BRD4: variants seen among roughly 807,000 people sequenced by gnomAD.
The protein encoded by BRD4 is bromodomain-containing protein 4.
A neutral mutation model predicts 142.1 loss-of-function variants in BRD4; 16 were observed. That is an observed-to-expected ratio of 0.11 (90% confidence interval 0.08 to 0.17). The LOEUF (loss-of-function observed/expected upper bound fraction) is 0.17. Among genes scored for constraint, BRD4 ranks in the 10% least tolerant of loss-of-function variants. The pLI is 1.00. For missense variants in BRD4, 1,424 were observed against 1,810.9 expected (o/e 0.79, Z 3.88); for synonymous variants, 833 against 707.5 (o/e 1.18, Z -2.82).
intron 1 of BRD4, among the ~76,000 whole-genome samples, chr19:15,292,495 T>C (rs1357950991): frequency 6.6e-6 from 1 of 152,102 alleles, no homozygotes; most frequent in Non-Finnish European, 1.5e-5. Context: ...TTGAAAAGCC[T>C]GGGCCGGGCG....
At chr19:15,274,395 G>C (rs1287642115) in intron 1 of BRD4, among the ~76,000 whole-genome samples, 1 of 152,218 alleles carries the variant, frequency 6.6e-6, no homozygotes, top group Non-Finnish European at 1.5e-5. Context: ...GAGGCCTAAA[G>C]GCACTGTGGA....
intron 1 of BRD4, among the ~76,000 whole-genome samples, chr19:15,329,196 C>G (rs528293763): frequency 6.6e-6 from 1 of 152,138 alleles, no homozygotes; most frequent in African/African-American, 2.4e-5. Context: ...AATGTACACT[C>G]TTTTCTAGAC....
At chr19:15,288,261 C>G (rs1421989572) in intron 1 of BRD4, among the ~76,000 whole-genome samples, 1 of 152,126 alleles carries the variant, frequency 6.6e-6, no homozygotes, top group Non-Finnish European at 1.5e-5. Flanking sequence ...TGCTGAAGTA[C>G]ACAGAGGTAA....
chr19:15,312,918 A>G (rs963233766), intron 1 of BRD4, among the ~76,000 whole-genome samples: 1 of 152,202 alleles, frequency 6.6e-6, no homozygotes, highest in African/African-American at 2.4e-5. Flanking sequence ...CCTGGGTGAC[A>G]GAGCGAGACT....
intron 14 of BRD4, among the ~76,000 whole-genome samples, chr19:15,240,604 G>C (rs949228149): frequency 2.0e-5 from 3 of 152,208 alleles, no homozygotes; most frequent in African/African-American, 7.2e-5. Context: ...GCCGAGTGGG[G>C]AGCAGGCGGA....
At chr19:15,289,256 T>C (rs2047763022) in intron 1 of BRD4, among the ~76,000 whole-genome samples, 1 of 152,086 alleles carries the variant, frequency 6.6e-6, no homozygotes, top group African/African-American at 2.4e-5. Flanking sequence ...CTTAGCTACT[T>C]AAAATCAGAA....
At chr19:15,322,144 T>G (rs888244775) in intron 1 of BRD4, among the ~76,000 whole-genome samples, 3 of 152,132 alleles carry the variant, frequency 2.0e-5, no homozygotes, top group African/African-American at 7.2e-5. Context: ...ACACAACACC[T>G]AAGATCAAAG....
At position 15,243,125 on chromosome 19, in the gene BRD4, G is replaced by A. The variant is rs1413767935; in HGVS notation, c.2944C>T (p.Pro982Ser). 1.4e-6 allele frequency: 2 copies of A among 1,401,852 alleles called. No individual in the cohort carries two copies. Among genetic ancestry groups the A allele is most frequent in the Non-Finnish European group, 1.9e-6 (2 of 1,058,594 alleles). 86.8% of individuals were successfully genotyped at this position (1,401,852 alleles called of 1,614,324 possible). A position where few individuals can be genotyped will look rare whatever the true frequency, so the allele number is the denominator to read the frequency against. The change falls in exon 14 of 20, where the codon CCC (proline) becomes TCC (serine). Residue 982 changes from proline to serine, a missense_variant. Around this residue, in one of 16 missense-constraint regions of BRD4, gnomAD observed 598 missense variants for 647.8 expected, o/e 0.92. Coordinates refer to ENST00000679869, the MANE Select transcript of BRD4 (RefSeq NM_001379291.1). ...TGCTGCTGCTGGGGTGGAGGCTGGG[G>A]CTGGGGTGGTGGGGGTGGTGGCGGC... ...QQPPPPPPPQ[P>S]QPPPQQQHQP...
At chr19:15,292,777 CAAAAAAAAAAAAAAAAAAAAAAAAAAAAA>C (rs57341445) in intron 1 of BRD4, among the ~76,000 whole-genome samples, 2 of 57,256 alleles carry the variant, frequency 3.5e-5, no homozygotes, top group Admixed American at 2.6e-4. Context: ...GACTCCGTCT[CAAAAAAAAAAAAAAAAAAAAAAAAAAAAA>C]AAAAAAAAAG....
At chr19:15,304,194 A>G (rs1425509904) in intron 1 of BRD4, among the ~76,000 whole-genome samples, 1 of 152,162 alleles carries the variant, frequency 6.6e-6, no homozygotes, top group Non-Finnish European at 1.5e-5. Context: ...TGGTGACATA[A>G]ATGCTGACGA....
At chr19:15,263,271 G>C in intron 7 of BRD4, 149 bp downstream of exon 7, 1 of 994,630 alleles carries the variant, frequency 1.0e-6, no homozygotes, top group African/African-American at 1.6e-5. Flanking sequence ...GTATGCACTA[G>C]GCTGACTTTA....
intron 1 of BRD4, among the ~76,000 whole-genome samples, chr19:15,317,602 G>A (rs933760735): frequency 6.6e-6 from 1 of 152,116 alleles, no homozygotes; most frequent in Admixed American, 6.6e-5. Context: ...CAATGGGAGT[G>A]GGGGGTGGTG....
chr19:15,285,887 T>C (rs879019355), intron 1 of BRD4, among the ~76,000 whole-genome samples: 1 of 152,176 alleles, frequency 6.6e-6, no homozygotes, highest in Admixed American at 6.5e-5. Flanking sequence ...TTAGTTAGGA[T>C]GGTGCCCACT....
chr19:15,253,919 C>A (rs903361056), intron 11 of BRD4: 5 of 807,600 alleles, frequency 6.2e-6, no homozygotes, highest in Non-Finnish European at 7.7e-6. Flanking sequence ...CATGACCAGA[C>A]CCTGGCAGGG....
At position 15,238,505 on chromosome 19, in the gene BRD4, C is replaced by T; in HGVS notation, c.4021-60G>A. 6.2e-7 allele frequency: 1 copy of T among 1,611,034 alleles called. No individual in the cohort carries two copies. Among genetic ancestry groups the T allele is most frequent in the Non-Finnish European group, 8.5e-7 (1 of 1,178,922 alleles). ...GACCTAGCCACCCTGCAGCTACAAGCCCTCATACCCGCTACCAGCAGTCAG... is the reference window on the plus strand; with the variant it reads ...GACCTAGCCACCCTGCAGCTACAAGTCCTCATACCCGCTACCAGCAGTCAG... On this transcript the variant is annotated intron_variant, in intron 19 of 19. Coordinates refer to ENST00000679869, the MANE Select transcript of BRD4 (RefSeq NM_001379291.1). The surrounding 1 kb of genome is among the most constrained non-coding windows in gnomAD (Gnocchi z 7.2).
chr19:15,308,348 G>A (rs2047935656), intron 1 of BRD4, among the ~76,000 whole-genome samples: 1 of 151,476 alleles, frequency 6.6e-6, no homozygotes, highest in South Asian at 2.1e-4. Flanking sequence ...CAGCACTTTG[G>A]GAGGCCCAGG....
intron 11 of BRD4, chr19:15,253,927 G>T: frequency 1.3e-6 from 1 of 776,572 alleles, no homozygotes. Flanking sequence ...GACCCTGGCA[G>T]GGAGAGCATA....
Position 15,257,252 on chromosome 19 carries a change from T to C in BRD4, c.1342-79A>G. The stretch of plus-strand genomic sequence containing the variant: ...AGCATCACCTGCCCTCATTGGCTGC[T>C]GGGGCCAACTCAACAGAAAGCAACC... On this transcript the variant is annotated intron_variant, in intron 7 of 19. Coordinates refer to ENST00000679869, the MANE Select transcript of BRD4 (RefSeq NM_001379291.1). 10 of 1,352,902 alleles carry C rather than the reference T, an allele frequency of 7.4e-6. 1 individual carries two copies. In the South Asian group the frequency reaches 1.4e-4, roughly 19 times the overall value. The allele number at this position is 1,352,902 out of a possible 1,614,324, so 83.8% of individuals were successfully genotyped here.
At chr19:15,317,455 A>C (rs942293685) in intron 1 of BRD4, among the ~76,000 whole-genome samples, 2 of 152,182 alleles carry the variant, frequency 1.3e-5, no homozygotes, top group African/African-American at 4.8e-5. Flanking sequence ...CAATAGAAAA[A>C]AATTAAGGAA....
Sources: allele counts gnomAD v4.1 joint callset (sites outside exome capture counted in the v4.1 genomes callset), GRCh38; gene constraint gnomAD v4.1.1; regional missense constraint gnomAD v4.1.1; non-coding constraint Gnocchi (gnomAD v3.1); transcripts MANE v1.5; gene names NCBI Gene and HGNC (gene_info 2026-07-23, HGNC 2026-07-21).